The following SENP7 variants were observed in gnomAD, a reference collection of about 807,000 sequenced individuals.
SENP7 encodes the protein sentrin-specific protease 7.
SENP7 carries 64 observed loss-of-function variants against 141.2 expected under a neutral mutation model. That is an observed-to-expected ratio of 0.45 (90% CI 0.37 to 0.56). The LOEUF (loss-of-function observed/expected upper bound fraction) is 0.56. Among genes scored for constraint, SENP7 ranks in the 20% least tolerant of loss-of-function variants. The pLI, the probability that SENP7 is intolerant of heterozygous loss-of-function variation, is 0.00. For synonymous variants in SENP7, 382 were observed against 426.4 expected, an observed-to-expected ratio of 0.90 and a Z score of 1.28; for missense variants, 1,025 against 1,212.2, an observed-to-expected ratio of 0.85 and a Z score of 2.29.
chr3:101,387,696 C>T (rs1000000322), intron 6 of SENP7, among the ~76,000 whole-genome samples: 2 of 152,188 alleles, frequency 1.3e-5, no homozygotes, highest in African/African-American at 4.8e-5. Flanking sequence ...AGGACAGGTA[C>T]TTCCTGCCAG....
chr3:101,469,829 T>TTA (rs2063912038), intron 3 of SENP7, among the ~76,000 whole-genome samples: 1 of 11,348 alleles, frequency 8.8e-5, no homozygotes, highest in Non-Finnish European at 1.6e-4. Flanking sequence ...AGACTCCGTC[T>TTA]CAAAAAAAAA....
chr3:101,348,747 G>A (rs958363462), intron 12 of SENP7, among the ~76,000 whole-genome samples: 3 of 151,758 alleles, frequency 2.0e-5, no homozygotes, highest in Middle Eastern at 3.4e-3. Flanking sequence ...CCCTCTTAGG[G>A]AGCTAAAGGA....
intron 4 of SENP7, among the ~76,000 whole-genome samples, chr3:101,418,147 A>C (rs1334030180): frequency 6.6e-6 from 1 of 152,182 alleles, no homozygotes; most frequent in East Asian, 1.9e-4. Flanking sequence ...TGTGCTAAAA[A>C]TGTGTTTTTG....
intron 6 of SENP7, among the ~76,000 whole-genome samples, chr3:101,372,412 A>G (rs2060207077): frequency 6.6e-6 from 1 of 152,176 alleles, no homozygotes; most frequent in Admixed American, 6.5e-5. Flanking sequence ...CTATACAAGT[A>G]TTAAATTAGG....
intron 9 of SENP7, among the ~76,000 whole-genome samples, chr3:101,366,141 G>A (rs1205986174): frequency 6.6e-6 from 1 of 152,148 alleles, no homozygotes; most frequent in Non-Finnish European, 1.5e-5. Flanking sequence ...TGACAGTAAT[G>A]ATGGTCTTTA....
intron 4 of SENP7, among the ~76,000 whole-genome samples, chr3:101,455,395 T>G (rs2063316544): frequency 6.6e-6 from 1 of 152,204 alleles, no homozygotes. Flanking sequence ...GCCTAATGCC[T>G]AACATATAAT....
chr3:101,507,477 A>G (rs967212559), intron 1 of SENP7, among the ~76,000 whole-genome samples: 4 of 152,170 alleles, frequency 2.6e-5, no homozygotes, highest in African/African-American at 7.2e-5. Flanking sequence ...TCTCTTCCCT[A>G]GTTTACCAAA....
At chr3:101,427,382 C>T (rs1047287143) in intron 4 of SENP7, among the ~76,000 whole-genome samples, 3 of 150,488 alleles carry the variant, frequency 2.0e-5, no homozygotes, top group South Asian at 2.1e-4. Flanking sequence ...CTCAGCTACT[C>T]GGGAAGCTAA....
At chr3:101,333,713 T>C (rs2107131608) in intron 17 of SENP7, among the ~76,000 whole-genome samples, 1 of 152,302 alleles carries the variant, frequency 6.6e-6, no homozygotes, top group East Asian at 1.9e-4. Flanking sequence ...TCAACAAATA[T>C]TTATTAGGTT....
chr3:101,333,788 G>GA lies in SENP7; in HGVS notation c.2481-927dup, dbSNP rs759276880. Among the ~76,000 whole-genome samples, 14 of 152,220 alleles carry GA rather than the reference G, an allele frequency of 9.2e-5. No homozygotes were observed. In the South Asian group the frequency reaches 2.3e-3, roughly 25 times the overall value. On this transcript the variant is annotated intron_variant, in intron 17 of 23. Coordinates refer to ENST00000394095, the MANE Select transcript of SENP7 (RefSeq NM_020654.5). ...AAGTATTCATAATCTAATATGGGCA[G>GA]AAAAAACTATAACAAATAACTAAAA...
At chr3:101,432,366 G>A (rs997947913) in intron 4 of SENP7, among the ~76,000 whole-genome samples, 4 of 152,216 alleles carry the variant, frequency 2.6e-5, no homozygotes, top group African/African-American at 9.6e-5. Context: ...GGGAGATCTT[G>A]CCATCCTGAA....
intron 3 of SENP7, among the ~76,000 whole-genome samples, chr3:101,477,752 G>A (rs2064279025): frequency 6.6e-6 from 1 of 151,908 alleles, no homozygotes; most frequent in Admixed American, 6.6e-5. Context: ...TTGGGAGACT[G>A]AGGCAGGAGA....
At chr3:101,369,327 C>T (rs539496733) in intron 7 of SENP7, among the ~76,000 whole-genome samples, 7 of 152,278 alleles carry the variant, frequency 4.6e-5, no homozygotes, top group East Asian at 3.9e-4. Flanking sequence ...ATTCACGGAA[C>T]GTTCTTCAAC....
intron 6 of SENP7, among the ~76,000 whole-genome samples, chr3:101,381,195 A>G (rs1233791050): frequency 6.6e-6 from 1 of 152,234 alleles, no homozygotes; most frequent in African/African-American, 2.4e-5. Context: ...GAAGGTGAAC[A>G]TTTGGGTGTT....
intron 1 of SENP7, among the ~76,000 whole-genome samples, chr3:101,502,918 A>AT (rs202012276): frequency 7.5e-6 from 1 of 132,744 alleles, no homozygotes; most frequent in South Asian, 2.4e-4. Flanking sequence ...CCTGTCTCAG[A>AT]TTTAAAAAAA....
intron 4 of SENP7, among the ~76,000 whole-genome samples, chr3:101,450,785 G>A (rs895786939): frequency 4.6e-5 from 7 of 151,964 alleles, no homozygotes; most frequent in Non-Finnish European, 7.4e-5. Flanking sequence ...TTGACACCCT[G>A]ACATCACAAT....
chr3:101,473,327 G>A (rs373640972), intron 3 of SENP7, among the ~76,000 whole-genome samples: 14 of 152,056 alleles, frequency 9.2e-5, no homozygotes, highest in African/African-American at 3.4e-4. Context: ...TCCACAATGG[G>A]TGAACTAATT....
At chr3:101,374,254 G>T (rs925721924) in intron 6 of SENP7, among the ~76,000 whole-genome samples, 1 of 152,114 alleles carries the variant, frequency 6.6e-6, no homozygotes, top group Non-Finnish European at 1.5e-5. Flanking sequence ...ATAGTCATAT[G>T]CAAAAGGAAG....
In SENP7 at chr3:101,393,817, G is replaced by A. The variant is rs562154735; in HGVS notation, c.677+5044C>T. ...AAAGTGTAAGAGGAAGCAGAAGTGC[G>A]CAAAAAGACTAAATAGGACAAACAG... On this transcript the variant is annotated intron_variant, in intron 6 of 23. Coordinates refer to ENST00000394095, the MANE Select transcript of SENP7 (RefSeq NM_020654.5). Among the ~76,000 whole-genome samples the A allele has an allele frequency of 2.1e-4, 32 of 152,222 alleles. No homozygotes were observed. The South Asian group carries it at 2.7e-3, about 13-fold the overall frequency.
Sources: allele counts gnomAD v4.1 joint callset (sites outside exome capture counted in the v4.1 genomes callset), GRCh38; gene constraint gnomAD v4.1.1; transcripts MANE v1.5; gene names NCBI Gene and HGNC (gene_info 2026-07-23, HGNC 2026-07-21).